TUSC3: variants seen among roughly 807,000 people sequenced by gnomAD.
The protein encoded by TUSC3 is tumor suppressor candidate 3.
A neutral mutation model predicts 44.8 loss-of-function variants in TUSC3; 45 were observed. That is an observed-to-expected ratio of 1.00 (90% CI 0.79 to 1.29). The LOEUF (loss-of-function observed/expected upper bound fraction) is 1.29, where lower values mean the gene tolerates loss of function less well. Ranked by LOEUF, TUSC3 falls within the 50% of genes most tolerant of loss-of-function variation. The pLI, the probability that TUSC3 is intolerant of heterozygous loss-of-function variation, is 0.00. For missense variants in TUSC3, 519 were observed against 437.9 expected, an observed-to-expected ratio of 1.19 and a Z score of -1.65; for synonymous variants, 212 against 152.9, an observed-to-expected ratio of 1.39 and a Z score of -2.85.
At chr8:15,540,699 G>A in intron 1 of TUSC3, 131 bp downstream of exon 1, 3 of 1,296,698 alleles carry the variant, frequency 2.3e-6, no homozygotes, top group South Asian at 1.7e-5. Flanking sequence ...TGGGGCGGGA[G>A]CCGCGAGGGT....
At chr8:15,803,418 TC>T in the TUSC3 span, among the ~76,000 whole-genome samples, 24 of 152,200 alleles carry the variant, frequency 1.6e-4, no homozygotes, top group African/African-American at 5.8e-4. Context: ...TCAAAACATT[TC>T]CAATTGAAGA....
intron 6 of TUSC3, among the ~76,000 whole-genome samples, chr8:15,728,783 G>T (rs1234567192): frequency 4.6e-5 from 7 of 152,160 alleles, no homozygotes; most frequent in Non-Finnish European, 1.0e-4. Context: ...GCCTAAGCCT[G>T]TTGAGCTCTG....
the TUSC3 span, among the ~76,000 whole-genome samples, chr8:15,798,562 T>C: frequency 6.6e-6 from 1 of 152,074 alleles, no homozygotes; most frequent in Middle Eastern, 3.2e-3. Context: ...CACATTTACC[T>C]TCAGTTTTGA....
intron 1 of TUSC3, among the ~76,000 whole-genome samples, chr8:15,553,903 G>A (rs1420215079): frequency 5.3e-5 from 8 of 151,848 alleles, no homozygotes; most frequent in African/African-American, 1.7e-4. Flanking sequence ...ACGGTTGTTC[G>A]TAGATACTTT....
At chr8:15,586,646 C>T (rs1054082708) in intron 1 of TUSC3, among the ~76,000 whole-genome samples, 3 of 152,088 alleles carry the variant, frequency 2.0e-5, no homozygotes, top group Non-Finnish European at 4.4e-5. Context: ...GAGATTAATG[C>T]AACATGGTTT....
chr8:15,735,810 C>G (rs1165299681), intron 7 of TUSC3, among the ~76,000 whole-genome samples: 2 of 152,188 alleles, frequency 1.3e-5, no homozygotes, highest in Admixed American at 6.5e-5. Flanking sequence ...CGCCATTCTC[C>G]TGCCTCAGCC....
chr8:15,459,994 AC>A lies in TUSC3; in HGVS notation n.92-23391del, dbSNP rs1158248640. On this transcript the variant is annotated intron_variant and non_coding_transcript_variant, in intron 1 of 5. Transcript: ENST00000503191. ...GCAATTGCTAATTGTGCAGCTATAA[AC>A]ATGCATGTGCAAGTATCTTTTTCAT... is the stretch of plus-strand genomic sequence containing the variant. Among the ~76,000 whole-genome samples the A allele has an allele frequency of 4.6e-5, 7 of 152,128 alleles. No individual in the cohort carries two copies. The East Asian group carries it at 1.3e-3, about 29-fold the overall frequency.
At chr8:15,824,267 G>A in the TUSC3 span, among the ~76,000 whole-genome samples, 1 of 152,142 alleles carries the variant, frequency 6.6e-6, no homozygotes, top group East Asian at 1.9e-4. Context: ...AGTCTTCCCA[G>A]TAGGATACTT....
At chr8:15,686,387 C>T (rs13251487) in intron 6 of TUSC3, among the ~76,000 whole-genome samples, 31,843 of 151,956 alleles carry the variant, frequency 0.21, 4,254 homozygotes, top group Non-Finnish European at 0.3. Flanking sequence ...CACTGCATTA[C>T]AATTCAGTTG....
At chr8:15,455,488 C>T (rs9773422) in intron 1 of TUSC3, among the ~76,000 whole-genome samples, 1 of 151,894 alleles carries the variant, frequency 6.6e-6, no homozygotes, top group African/African-American at 2.4e-5. Context: ...TATATGTGTA[C>T]ATACCTATAG....
chr8:15,453,227 C>T lies in TUSC3; in HGVS notation n.92-30159C>T, dbSNP rs1007439882. ...GTCTGTCCATATGACTTCACATTAG[C>T]GTGGTAATGATTATTACTTGCCATA... On this transcript the variant is annotated intron_variant and non_coding_transcript_variant, in intron 1 of 5. Transcript: ENST00000503191. 2.1e-5 allele frequency among the ~76,000 whole-genome samples: 3 copies of T among 145,624 alleles called. No individual in the cohort carries two copies. In the East Asian group the frequency reaches 6.1e-4, roughly 29 times the overall value.
chr8:15,533,386 A>G lies in TUSC3; in HGVS notation n.189+49903A>G, dbSNP rs557911438. Among the ~76,000 whole-genome samples, 12 of 152,364 alleles carry G rather than the reference A, an allele frequency of 7.9e-5. No individual in the cohort carries two copies. The South Asian group carries it at 2.5e-3, about 32-fold the overall frequency. ...TAAATATAGGGCAGAGGAAGCAATCAGATATCCATTTGTCTCAGGTGAACA... is the reference window on the plus strand; with the variant it reads ...TAAATATAGGGCAGAGGAAGCAATCGGATATCCATTTGTCTCAGGTGAACA... On this transcript the variant is annotated intron_variant and non_coding_transcript_variant, in intron 2 of 5. Coordinates refer to the TUSC3 transcript ENST00000503191.
the TUSC3 span, among the ~76,000 whole-genome samples, chr8:15,815,584 C>G: frequency 6.6e-5 from 10 of 152,062 alleles, no homozygotes; most frequent in Admixed American, 1.3e-4. Context: ...GTAATTAGAC[C>G]TGGAAACAGA....
chr8:15,788,801 C>T, the TUSC3 span, among the ~76,000 whole-genome samples: 1 of 152,128 alleles, frequency 6.6e-6, no homozygotes, highest in Non-Finnish European at 1.5e-5. Context: ...ACATCCTCAT[C>T]ATTTCACACT....
chr8:15,712,083 A>C (rs1809875999), intron 6 of TUSC3, among the ~76,000 whole-genome samples: 1 of 152,010 alleles, frequency 6.6e-6, no homozygotes, highest in Non-Finnish European at 1.5e-5. Context: ...TCTAGGATTG[A>C]ATATATCTTA....
At chr8:15,594,693 G>A (rs1010725984) in intron 1 of TUSC3, among the ~76,000 whole-genome samples, 1 of 152,154 alleles carries the variant, frequency 6.6e-6, no homozygotes, top group Non-Finnish European at 1.5e-5. Context: ...GGTGGGAACA[G>A]GCACTATTAC....
chr8:15,622,344 C>T (rs961675018), intron 1 of TUSC3, among the ~76,000 whole-genome samples: 2 of 151,378 alleles, frequency 1.3e-5, no homozygotes, highest in African/African-American at 4.9e-5. Context: ...GTTGCCTAAG[C>T]TTATCTTGAA....
chr8:15,665,121 A>G (rs979226199), intron 5 of TUSC3, among the ~76,000 whole-genome samples: 5 of 151,646 alleles, frequency 3.3e-5, no homozygotes, highest in South Asian at 2.1e-4. Context: ...AAAAAAATGT[A>G]TATTTTTAAA....
chr8:15,420,910 C>G (rs1277409946), intron 1 of TUSC3, among the ~76,000 whole-genome samples: 2 of 152,132 alleles, frequency 1.3e-5, no homozygotes, highest in African/African-American at 2.4e-5. Context: ...CTTTAATCTT[C>G]TACTCTTTAA....
Sources: gnomAD v4.1 joint callset for allele counts (sites outside exome capture counted in the v4.1 genomes callset) on GRCh38, gnomAD v4.1.1 for gene constraint, MANE v1.5 for transcripts, NCBI Gene and HGNC (gene_info 2026-07-23, HGNC 2026-07-21) for gene names.